Variants in AQP6 observed in about 807,000 individuals in gnomAD.
The protein encoded by AQP6 is aquaporin 6, also known as aquaporin-6.
In AQP6, 14 loss-of-function variants were observed where a neutral mutation model predicts 16.3. The ratio of observed to expected loss-of-function variants is 0.86; its 90% CI spans 0.57 to 1.34. The LOEUF (loss-of-function observed/expected upper bound fraction) is 1.34. AQP6 is among the 40% of genes most tolerant of loss of function. AQP6 has a pLI of 0.00. For synonymous variants in AQP6, 178 were observed against 166.8 expected, an observed-to-expected ratio of 1.07 and a Z score of -0.52; for missense variants, 331 against 379.7, an observed-to-expected ratio of 0.87 and a Z score of 1.07.
Position 49,974,321 on chromosome 12 carries a change from C to T in AQP6, c.403-3C>T. The T allele has an allele frequency of 6.4e-7, 1 of 1,555,170 alleles. No homozygotes were observed. The highest frequency in any genetic ancestry group is 8.7e-7 in the Non-Finnish European group (1 of 1,145,482). On this transcript the variant is annotated splice_region_variant and splice_polypyrimidine_tract_variant and intron_variant, in intron 1 of 3. Coordinates refer to ENST00000315520, the MANE Select transcript of AQP6 (RefSeq NM_001652.4). Reference sequence around the variant, plus strand: ...CTGGTCCAGAGTAACTCCCTCTGTCCAGGTCCGGAACAGTGTCTCAACTGG... The same window carrying T: ...CTGGTCCAGAGTAACTCCCTCTGTCTAGGTCCGGAACAGTGTCTCAACTGG...
rs1221000787 is a variant in AQP6, at chr12:49,976,915, A to G, written c.*1244A>G. On this transcript the variant is annotated 3_prime_UTR_variant, in exon 4 of 4. Coordinates refer to ENST00000315520, the MANE Select transcript of AQP6 (RefSeq NM_001652.4). ...CCCAGGAAACTAAGATTTGAGATTCAGTGCCTCTGAAAGACTACCAAAATC... is the reference window on the plus strand; with the variant it reads ...CCCAGGAAACTAAGATTTGAGATTCGGTGCCTCTGAAAGACTACCAAAATC... 1.4e-6 allele frequency: 1 copy of G among 699,462 alleles called. No homozygotes were observed. Among genetic ancestry groups the G allele is most frequent in the East Asian group, 2.7e-5 (1 of 37,266 alleles). The allele number at this position is 699,462 out of a possible 1,614,324, so 43.3% of individuals were successfully genotyped here.
chr12:49,972,987 T>C lies in AQP6; in HGVS notation c.-187T>C. 1.3e-6 allele frequency: 1 copy of C among 796,486 alleles called. No individual in the cohort carries two copies. The highest frequency in any genetic ancestry group is 2.1e-5 in the South Asian group (1 of 48,198). The allele number at this position is 796,486 out of a possible 1,614,324, so 49.3% of individuals were successfully genotyped here. A position where few individuals can be genotyped will look rare whatever the true frequency, so the allele number is the denominator to read the frequency against. On this transcript the variant is annotated 5_prime_UTR_variant, in exon 1 of 4. Transcript: ENST00000315520. The stretch of plus-strand genomic sequence containing the variant: ...CCCATCCGCCTGCGCCCTGCCAGTC[T>C]GACCAGCACAGTCCTGGGGACAGGA...
At position 49,975,724 on chromosome 12, in the gene AQP6, T is replaced by C. The variant is rs2137172992; in HGVS notation, c.*53T>C. 2.1e-6 allele frequency: 3 copies of C among 1,448,122 alleles called. No individual in the cohort carries two copies. The East Asian group carries it at 7.8e-5, about 38-fold the overall frequency. The allele number at this position is 1,448,122 out of a possible 1,614,324, so 89.7% of individuals were successfully genotyped here. A position where few individuals can be genotyped will look rare whatever the true frequency, so the allele number is the denominator to read the frequency against. ...GGCTTCCTGCCTTGCAGGACCTGCC[T>C]GGAGGTTCTCCCTGGGGGTGGCGGG... On this transcript the variant is annotated 3_prime_UTR_variant, in exon 4 of 4. Transcript: ENST00000315520. This position sits in a 1 kb window ranked among gnomAD's most constrained non-coding sequence, Gnocchi z 4.4.
chr12:49,974,378 CTGCAGCTGG>C lies in AQP6; in HGVS notation c.461_469del (p.Gln154_Val156del), dbSNP rs1947554751. The C allele has an allele frequency of 6.2e-7, 1 of 1,613,454 alleles. No individual in the cohort carries two copies. The highest frequency in any genetic ancestry group is 1.7e-5 in the Admixed American group (1 of 59,966). Reference sequence around the variant, plus strand: ...GGTGGCAGTGGAGCTGCTTCTGACCCTGCAGCTGGTGCTCTGTGTCTTCGCTTCCACCGA... The same window carrying C: ...GGTGGCAGTGGAGCTGCTTCTGACCCTGCTCTGTGTCTTCGCTTCCACCGA... On this transcript the variant is annotated inframe_deletion, in exon 2 of 4. Coordinates refer to ENST00000315520, the MANE Select transcript of AQP6 (RefSeq NM_001652.4).
chr12:49,975,905 C>A lies in AQP6; in HGVS notation c.*234C>A. 1 of 453,100 alleles carries A rather than the reference C, an allele frequency of 2.2e-6. No individual in the cohort carries two copies. The highest frequency in any genetic ancestry group is 3.6e-6 in the Non-Finnish European group (1 of 277,316). 28.1% of individuals were successfully genotyped at this position (453,100 alleles called of 1,614,324 possible). On this transcript the variant is annotated 3_prime_UTR_variant, in exon 4 of 4. Transcript: ENST00000315520. The surrounding 1 kb of genome is among the most constrained non-coding windows in gnomAD (Gnocchi z 4.4). ...CTCGGTGGGACAGAGCAGAGGAAGG[C>A]AGGGGATTTAGGATCGCCCTCCCAT...
Position 49,975,483 on chromosome 12 carries a change from CT to C in AQP6, c.662del (p.Leu221ArgfsTer9), listed in dbSNP as rs748756344. The C allele has an allele frequency of 1.2e-5, 20 of 1,604,410 alleles. No individual in the cohort carries two copies. The Admixed American group carries it at 1.9e-4, about 16-fold the overall frequency. ...TVHWVFWVGP[L>X]MGALLASLIY... ...TCCTCAGGTCTTCTGGGTGGGGCCC[CT>C]GATGGGAGCCCTCCTGGCCTCACTG... On this transcript the variant is annotated frameshift_variant, in exon 4 of 4. Coordinates refer to ENST00000315520, the MANE Select transcript of AQP6 (RefSeq NM_001652.4). LOFTEE classifies it low-confidence loss of function (END_TRUNC). The surrounding 1 kb of genome is among the most constrained non-coding windows in gnomAD (Gnocchi z 4.4).
In AQP6 at chr12:49,975,443, G is replaced by C; in HGVS notation, c.643-22G>C. On this transcript the variant is annotated intron_variant, in intron 3 of 3. Transcript: ENST00000315520. The surrounding 1 kb of genome is among the most constrained non-coding windows in gnomAD (Gnocchi z 4.4). ...GTGGTCCTGATAGCTCCTGGGTGGG[G>C]TGACGACATCCTTCTCCTCAGGTCT... The C allele has an allele frequency of 1.9e-6, 3 of 1,571,364 alleles. No individual in the cohort carries two copies. Among genetic ancestry groups the C allele is most frequent in the Non-Finnish European group, 2.6e-6 (3 of 1,162,808 alleles).
At position 49,976,774 on chromosome 12, in the gene AQP6, T is replaced by C. The variant is rs1947577706; in HGVS notation, c.*1103T>C. On this transcript the variant is annotated 3_prime_UTR_variant, in exon 4 of 4. Coordinates refer to ENST00000315520, the MANE Select transcript of AQP6 (RefSeq NM_001652.4). ...AATCCTCAGAGGGGAAGTGCCCATC[T>C]AGCCATTGACTCATGACCTGGGTCA... 1.8e-6 allele frequency: 1 copy of C among 562,538 alleles called. No homozygotes were observed. The highest frequency in any genetic ancestry group is 3.1e-6 in the Non-Finnish European group (1 of 318,564). 34.8% of individuals were successfully genotyped at this position (562,538 alleles called of 1,614,324 possible). A position where few individuals can be genotyped will look rare whatever the true frequency, so the allele number is the denominator to read the frequency against.
At position 49,975,007 on chromosome 12, in the gene AQP6, G is replaced by C; in HGVS notation, c.642+181G>C. On this transcript the variant is annotated intron_variant, in intron 3 of 3. Transcript: ENST00000315520. This position sits in a 1 kb window ranked among gnomAD's most constrained non-coding sequence, Gnocchi z 4.4. ...AGTGGACTGGCAAGAAATGGGCCAG[G>C]GCAGGAGCTGCAGCCTTGGCCCAGA... 7.1e-7 allele frequency: 1 copy of C among 1,413,948 alleles called. No homozygotes were observed. The highest frequency in any genetic ancestry group is 2.6e-5 in the East Asian group (1 of 38,382). The allele number at this position is 1,413,948 out of a possible 1,614,324, so 87.6% of individuals were successfully genotyped here.
In AQP6 at chr12:49,973,094, A is replaced by G. The variant is rs1187349311; in HGVS notation, c.-80A>G. 2.0e-6 allele frequency: 3 copies of G among 1,486,684 alleles called. No homozygotes were observed. The highest frequency in any genetic ancestry group is 4.7e-5 in the East Asian group (2 of 42,208). 92.1% of individuals were successfully genotyped at this position (1,486,684 alleles called of 1,614,324 possible). ...CAGGGTCAGCCAGAGACAGGACACC[A>G]GAAGAGACAGGAGATCAGAGACCAG... On this transcript the variant is annotated 5_prime_UTR_variant, in exon 1 of 4. Coordinates refer to ENST00000315520, the MANE Select transcript of AQP6 (RefSeq NM_001652.4).
chr12:49,973,159 C>G lies in AQP6; in HGVS notation c.-15C>G, dbSNP rs1170074380. 1.9e-6 allele frequency: 3 copies of G among 1,586,616 alleles called. No individual in the cohort carries two copies. The highest frequency in any genetic ancestry group is 2.6e-6 in the Non-Finnish European group (3 of 1,164,672). On this transcript the variant is annotated 5_prime_UTR_variant, in exon 1 of 4. Transcript: ENST00000315520. ...GGCCCCAGAGCAAGGCAAGGAACGG[C>G]CAAGGCACCAGGACATGGATGCAGT...
chr12:49,974,149 C>T, intron 1 of AQP6, 175 bp from the exon 2 acceptor site: 2 of 1,304,636 alleles, frequency 1.5e-6, no homozygotes, highest in Non-Finnish European at 1.9e-6. Flanking sequence ...CTGCAGGGAG[C>T]AAGGGTCCAG....
chr12:49,976,564 C>A lies in AQP6; in HGVS notation c.*893C>A. ...CCCAATAGGTCTTTATTCCTCAATC[C>A]TCCAAATGCTCTGGAGAGGCCCCCA... On this transcript the variant is annotated 3_prime_UTR_variant, in exon 4 of 4. Transcript: ENST00000315520. 1 of 173,560 alleles carries A rather than the reference C, an allele frequency of 5.8e-6. No homozygotes were observed. The highest frequency in any genetic ancestry group is 1.2e-5 in the Non-Finnish European group (1 of 81,734). The allele number at this position is 173,560 out of a possible 1,614,324, so 10.8% of individuals were successfully genotyped here. A position where few individuals can be genotyped will look rare whatever the true frequency, so the allele number is the denominator to read the frequency against.
chr12:49,974,540 CTG>C, intron 2 of AQP6, 58 bp downstream of exon 2: 2 of 1,531,824 alleles, frequency 1.3e-6, no homozygotes, highest in South Asian at 1.3e-5. Flanking sequence ...CCCGGGGAAA[CTG>C]TGGAGCCCTG....
chr12:49,974,689 C>G lies in AQP6; in HGVS notation c.562-57C>G, dbSNP rs143307764. 866 of 1,582,628 alleles carry G rather than the reference C, an allele frequency of 5.5e-4. 2 individuals are homozygous for G. Among genetic ancestry groups the G allele is most frequent in the Non-Finnish European group, 6.8e-4 (780 of 1,154,736 alleles). On this transcript the variant is annotated intron_variant, in intron 2 of 3. Coordinates refer to ENST00000315520, the MANE Select transcript of AQP6 (RefSeq NM_001652.4). ...CTCTGAGCCAGGACTGAGAAATGGT[C>G]CCCTCTCAGGCCTGCCTTAAACCTT... is the stretch of plus-strand genomic sequence containing the variant.
At chr12:49,974,677 C>T in intron 2 of AQP6, 69 bp from the exon 3 acceptor site, 1 of 1,568,004 alleles carries the variant, frequency 6.4e-7, no homozygotes, top group South Asian at 1.1e-5. Context: ...TGAGCCAGGA[C>T]TGAGAAATGG....
In AQP6 at chr12:49,973,500, G is replaced by A. The variant is rs1337815405; in HGVS notation, c.327G>A (p.Val109=). 2.4e-5 allele frequency: 38 copies of A among 1,613,532 alleles called. No homozygotes were observed. Among genetic ancestry groups the A allele is most frequent in the Non-Finnish European group, 3.0e-5 (35 of 1,179,940 alleles). Residue 109 remains valine, a synonymous_variant, in exon 1 of 4, where the codon GTG becomes GTA. Coordinates refer to ENST00000315520, the MANE Select transcript of AQP6 (RefSeq NM_001652.4). The part of the protein sequence containing the change: ...RAVAYVAAQL[V]GATVGAALLY... ...TGGCCTATGTGGCTGCCCAGCTGGT[G>A]GGGGCCACGGTGGGGGCTGCTCTGC...
Position 49,973,560 on chromosome 12 carries a change from C to A in AQP6, c.387C>A (p.Thr129=). ...YGVMPGDIRE[T]LGINVVRNSV... ...TCATGCCGGGAGACATCCGAGAGAC[C>A]CTTGGGATCAACGTGGTAGGTGCAG... Residue 129 remains threonine (T), a synonymous_variant, in exon 1 of 4, where the codon ACC becomes ACA. Coordinates refer to ENST00000315520, the MANE Select transcript of AQP6 (RefSeq NM_001652.4). 1.9e-6 allele frequency: 3 copies of A among 1,605,412 alleles called. 1 individual carries two copies. The highest frequency in any genetic ancestry group is 3.3e-4 in the Middle Eastern group (2 of 6,038).
chr12:49,973,301 G>T lies in AQP6; in HGVS notation c.128G>T (p.Gly43Val). The T allele has an allele frequency of 6.2e-7, 1 of 1,613,652 alleles. No homozygotes were observed. The highest frequency in any genetic ancestry group is 8.5e-7 in the Non-Finnish European group (1 of 1,180,044). ...ATGLYVFFGV[G>V]SVMRWPTALP... ...GGGCTGTATGTGTTCTTTGGCGTGG[G>T]CTCAGTCATGCGCTGGCCCACAGCA... Residue 43 changes from glycine to valine, a missense_variant, in exon 1 of 4, where the codon GGC becomes GTC. Coordinates refer to ENST00000315520, the MANE Select transcript of AQP6 (RefSeq NM_001652.4).
Sources: gnomAD v4.1 joint callset for allele counts on GRCh38, gnomAD v4.1.1 for gene constraint, Gnocchi (gnomAD v3.1) non-coding constraint, MANE v1.5 for transcripts, NCBI Gene and HGNC (gene_info 2026-07-23, HGNC 2026-07-21) for gene names.